The following MAP3K5 variants were observed in gnomAD, a reference collection of about 807,000 sequenced individuals.
MAP3K5 encodes the protein ASK-1.
A neutral mutation model predicts 158.7 loss-of-function variants in MAP3K5; 56 were observed. That is an observed-to-expected ratio of 0.35 (90% confidence interval 0.28 to 0.44). The LOEUF is 0.44. MAP3K5 is among the 20% of genes least tolerant of loss of function. The pLI, the probability that MAP3K5 is intolerant of heterozygous loss-of-function variation, is 1.00. For synonymous variants in MAP3K5, 579 were observed against 601.7 expected, an observed-to-expected ratio of 0.96 and a Z score of 0.55; for missense variants, 1,294 against 1,674.8, an observed-to-expected ratio of 0.77 and a Z score of 3.97.
chr6:136,630,722 T>C (rs1001129878), intron 14 of MAP3K5, among the ~76,000 whole-genome samples: 2 of 152,214 alleles, frequency 1.3e-5, no homozygotes, highest in Admixed American at 6.5e-5. Flanking sequence ...CCATACACTT[T>C]CTTAAAGTCT....
chr6:136,660,283 G>A (rs2114469649), intron 8 of MAP3K5, among the ~76,000 whole-genome samples: 1 of 152,232 alleles, frequency 6.6e-6, no homozygotes, highest in Middle Eastern at 3.4e-3. Context: ...CTGACACGGT[G>A]GCTCACACCT....
chr6:136,731,319 T>C (rs1466695780), intron 1 of MAP3K5, among the ~76,000 whole-genome samples: 2 of 152,224 alleles, frequency 1.3e-5, no homozygotes, highest in East Asian at 1.9e-4. Context: ...TATTACAAGC[T>C]TGATGCCTTA....
chr6:136,688,689 C>T (rs9494557), intron 7 of MAP3K5, among the ~76,000 whole-genome samples: 79 of 152,118 alleles, frequency 5.2e-4, no homozygotes, highest in African/African-American at 1.7e-3. Context: ...GAACTTTATG[C>T]GACCTTGAAA....
chr6:136,624,116 C>A (rs955587669), intron 14 of MAP3K5, among the ~76,000 whole-genome samples: 2 of 152,104 alleles, frequency 1.3e-5, no homozygotes, highest in African/African-American at 4.8e-5. Flanking sequence ...ATTGGTTGAA[C>A]CTGGGAGACG....
chr6:136,666,435 A>G (rs1449114779), intron 8 of MAP3K5, among the ~76,000 whole-genome samples: 1 of 152,214 alleles, frequency 6.6e-6, no homozygotes, highest in Non-Finnish European at 1.5e-5. Context: ...TGGTTATTAT[A>G]AGAACTCGGT....
intron 9 of MAP3K5, 141 bp from the exon 10 acceptor site, chr6:136,656,601 T>C (rs751637432): frequency 1.4e-5 from 8 of 592,330 alleles, no homozygotes; most frequent in Non-Finnish European, 2.0e-5. Flanking sequence ...TCGTTATTTG[T>C]TGCATATCGT....
chr6:136,654,207 T>C (rs1778644084), intron 10 of MAP3K5, among the ~76,000 whole-genome samples: 1 of 152,166 alleles, frequency 6.6e-6, no homozygotes, highest in Non-Finnish European at 1.5e-5. Flanking sequence ...CCTTACACAA[T>C]CCTATCATCC....
At chr6:136,753,675 A>G (rs1364619093) in intron 1 of MAP3K5, among the ~76,000 whole-genome samples, 1 of 152,228 alleles carries the variant, frequency 6.6e-6, no homozygotes, top group East Asian at 1.9e-4. Context: ...ATATTCCATC[A>G]TGTCTCATTC....
In MAP3K5 at chr6:136,613,596, ATTT is replaced by A. The variant is rs1776435184; in HGVS notation, c.2279-343_2279-341del. 6.6e-6 allele frequency among the ~76,000 whole-genome samples: 1 copy of A among 152,166 alleles called. No homozygotes were observed. The highest frequency in any genetic ancestry group is 1.9e-4 in the East Asian group (1 of 5,200). ...AACTTTAAATTATTTGAGCCTTATT[ATTT>A]AAGGAATGTGACTTTGTGGCCTGAG... On this transcript the variant is annotated intron_variant, in intron 16 of 29. Coordinates refer to ENST00000359015, the MANE Select transcript of MAP3K5 (RefSeq NM_005923.4). The surrounding 1 kb of genome is among the most constrained non-coding windows in gnomAD (Gnocchi z 4.0).
chr6:136,736,455 G>A (rs761665931), intron 1 of MAP3K5, among the ~76,000 whole-genome samples: 84 of 152,178 alleles, frequency 5.5e-4, no homozygotes, highest in Non-Finnish European at 8.4e-4. Flanking sequence ...CCTAGCGTAC[G>A]TGTTGACATT....
At chr6:136,666,716 T>C (rs1017329057) in intron 8 of MAP3K5, among the ~76,000 whole-genome samples, 2 of 152,224 alleles carry the variant, frequency 1.3e-5, no homozygotes, top group African/African-American at 4.8e-5. Context: ...TCTATGTTGA[T>C]TAGCATAATT....
chr6:136,744,760 AC>A (rs1189222569), intron 1 of MAP3K5, among the ~76,000 whole-genome samples: 1 of 152,108 alleles, frequency 6.6e-6, no homozygotes, highest in African/African-American at 2.4e-5. Flanking sequence ...CATTGTAATC[AC>A]CTGGGGGCTT....
intron 2 of MAP3K5, among the ~76,000 whole-genome samples, chr6:136,706,306 C>T (rs1781074909): frequency 6.6e-6 from 1 of 151,980 alleles, no homozygotes; most frequent in Non-Finnish European, 1.5e-5. Flanking sequence ...GGCAGTGTGC[C>T]CATCTTCTAG....
rs572930102 is a variant in MAP3K5 at position 136,770,445 on chromosome 6, T to G, written c.448+21265A>C. Reference sequence around the variant, plus strand: ...ATGTGTTATTTAAAGAAATGTTAAGTTTATAAATTTCACTTAGCCCAAAAA... The same window carrying G: ...ATGTGTTATTTAAAGAAATGTTAAGGTTATAAATTTCACTTAGCCCAAAAA... On this transcript the variant is annotated intron_variant, in intron 1 of 29. Coordinates refer to ENST00000359015, the MANE Select transcript of MAP3K5 (RefSeq NM_005923.4). Among the ~76,000 whole-genome samples, 68 of 152,324 alleles carry G rather than the reference T, an allele frequency of 4.5e-4. No homozygotes were observed. The South Asian group carries it at 0.014, about 31-fold the overall frequency.
intron 2 of MAP3K5, among the ~76,000 whole-genome samples, chr6:136,716,068 T>C (rs74877866): frequency 5.0e-5 from 3 of 59,758 alleles, no homozygotes; most frequent in Admixed American, 2.1e-4. Context: ...AAAAAAAAAT[T>C]ACAGCTGAAG....
At chr6:136,633,998 T>G (rs1777498648) in intron 14 of MAP3K5, among the ~76,000 whole-genome samples, 2 of 152,248 alleles carry the variant, frequency 1.3e-5, no homozygotes, top group African/African-American at 4.8e-5. Flanking sequence ...TGTGTTCAGA[T>G]GATCTCTAAA....
rs113953405 is a variant in MAP3K5, at chr6:136,562,472, C to T, written c.3874+31G>A. On this transcript the variant is annotated intron_variant, in intron 27 of 29. Coordinates refer to ENST00000359015, the MANE Select transcript of MAP3K5 (RefSeq NM_005923.4). ...GGCTTTTTGTGGCAGCCTGGCTGAACAGTATTACTATAAAACTTTCTGCTA... is the reference window on the plus strand; with the variant it reads ...GGCTTTTTGTGGCAGCCTGGCTGAATAGTATTACTATAAAACTTTCTGCTA... The T allele has an allele frequency of 1.0e-5, 12 of 1,154,536 alleles. No homozygotes were observed. In the East Asian group the frequency reaches 2.8e-4, roughly 27 times the overall value. 71.5% of individuals were successfully genotyped at this position (1,154,536 alleles called of 1,614,324 possible). A position where few individuals can be genotyped will look rare whatever the true frequency, so the allele number is the denominator to read the frequency against.
chr6:136,747,918 T>G (rs570726478), intron 1 of MAP3K5, among the ~76,000 whole-genome samples: 2 of 152,320 alleles, frequency 1.3e-5, no homozygotes, highest in Non-Finnish European at 2.9e-5. Flanking sequence ...GAAGCCAACT[T>G]TAGCCAACAG....
intron 1 of MAP3K5, among the ~76,000 whole-genome samples, chr6:136,787,322 A>G (rs1388110707): frequency 1.3e-5 from 2 of 152,242 alleles, no homozygotes; most frequent in African/African-American, 2.4e-5. Flanking sequence ...AGGCACTGCT[A>G]AGGCAAAGGC....
Sources: allele counts gnomAD v4.1 joint callset (sites outside exome capture counted in the v4.1 genomes callset), GRCh38; gene constraint gnomAD v4.1.1; non-coding constraint Gnocchi (gnomAD v3.1); transcripts MANE v1.5; gene names NCBI Gene and HGNC (gene_info 2026-07-23, HGNC 2026-07-21).